The following ENAH variants were observed in gnomAD, a reference collection of about 807,000 sequenced individuals.
The protein encoded by ENAH is ENAH actin regulator, also known as protein enabled homolog.
In ENAH, 23 loss-of-function variants were observed where a neutral mutation model predicts 78.7. The ratio of observed to expected loss-of-function variants is 0.29; its 90% confidence interval spans 0.21 to 0.41. The LOEUF (loss-of-function observed/expected upper bound fraction) is 0.41. Among genes scored for constraint, ENAH ranks in the 10% least tolerant of loss-of-function variants. The pLI, the probability that ENAH is intolerant of heterozygous loss-of-function variation, is 1.00. For missense variants in ENAH, 544 were observed against 691.0 expected, an observed-to-expected ratio of 0.79 and a Z score of 2.39; for synonymous variants, 226 against 241.0, an observed-to-expected ratio of 0.94 and a Z score of 0.58.
At chr1:225,552,105 T>C (rs892996937) in intron 3 of ENAH, among the ~76,000 whole-genome samples, 1 of 151,356 alleles carries the variant, frequency 6.6e-6, no homozygotes, top group African/African-American at 2.4e-5. Flanking sequence ...CGTAAGAAAT[T>C]ATATCTATTC....
Position 225,519,566 on chromosome 1 carries a change from C to CT in ENAH, c.435-2dup. ...TTGCCGTTGCTGTTCTTGTAGTTGT[C>CT]TGGAAAAAAAAAAAAAAAAGTAAAA... On this transcript the variant is annotated splice_acceptor_variant, in intron 4 of 13. Coordinates refer to ENST00000366843, the MANE Select transcript of ENAH (RefSeq NM_018212.6). LOFTEE classifies it high-confidence loss of function. 1 of 1,552,576 alleles carries CT rather than the reference C, an allele frequency of 6.4e-7. No homozygotes were observed. Among genetic ancestry groups the CT allele is most frequent in the Non-Finnish European group, 8.6e-7 (1 of 1,158,202 alleles).
intron 1 of ENAH, among the ~76,000 whole-genome samples, chr1:225,587,781 G>A (rs1346584934): frequency 6.6e-6 from 1 of 152,146 alleles, no homozygotes; most frequent in African/African-American, 2.4e-5. Flanking sequence ...AGAGGGTATG[G>A]TAGTGGCCTC....
chr1:225,629,180 G>C (rs759483153), intron 1 of ENAH, among the ~76,000 whole-genome samples: 22 of 151,970 alleles, frequency 1.4e-4, no homozygotes, highest in Non-Finnish European at 2.2e-4. Context: ...TGGGAAGCTG[G>C]GTCAGGAGAA....
At chr1:225,605,521 G>A (rs1261155492) in intron 1 of ENAH, among the ~76,000 whole-genome samples, 2 of 152,280 alleles carry the variant, frequency 1.3e-5, no homozygotes, top group Non-Finnish European at 2.9e-5. Context: ...TACAATGTCC[G>A]AGTTATTTCC....
intron 1 of ENAH, among the ~76,000 whole-genome samples, chr1:225,596,912 T>A (rs527282117): frequency 6.6e-6 from 1 of 152,184 alleles, no homozygotes; most frequent in Non-Finnish European, 1.5e-5. Context: ...AATTAAAACA[T>A]CTGACCAGTG....
intron 2 of ENAH, among the ~76,000 whole-genome samples, chr1:225,558,186 T>C (rs908977275): frequency 1.3e-5 from 2 of 152,210 alleles, no homozygotes; most frequent in African/African-American, 2.4e-5. Flanking sequence ...ATTGTATTCA[T>C]ACCAGGTTTT....
intron 6 of ENAH, among the ~76,000 whole-genome samples, chr1:225,516,564 CAA>C (rs1206561108): frequency 6.6e-6 from 1 of 152,228 alleles, no homozygotes; most frequent in South Asian, 2.1e-4. Flanking sequence ...ACGTGTCAAG[CAA>C]AGTTTTCCCA....
intron 11 of ENAH, among the ~76,000 whole-genome samples, chr1:225,502,112 CAA>C (rs1206489249): frequency 1.3e-5 from 2 of 152,186 alleles, no homozygotes; most frequent in Non-Finnish European, 2.9e-5. Flanking sequence ...ATAAATTTTT[CAA>C]AGTTATAATT....
chr1:225,589,722 A>G (rs983278724), intron 1 of ENAH, among the ~76,000 whole-genome samples: 1 of 152,208 alleles, frequency 6.6e-6, no homozygotes, highest in Admixed American at 6.5e-5. Context: ...AGAAGGATGG[A>G]GAGACAGATG....
chr1:225,513,634 C>T (rs913492573), intron 7 of ENAH, among the ~76,000 whole-genome samples: 1 of 152,086 alleles, frequency 6.6e-6, no homozygotes, highest in Non-Finnish European at 1.5e-5. Context: ...ATAAAATTCA[C>T]ACTGAGGTAC....
rs79204564 is a variant in ENAH, at chr1:225,588,106, T to C, written c.6-20692A>G. 4.8e-3 allele frequency among the ~76,000 whole-genome samples: 735 copies of C among 152,078 alleles called. 9 individuals are homozygous for C. The highest frequency in any genetic ancestry group is 0.014 in the African/African-American group (567 of 41,504). On this transcript the variant is annotated intron_variant, in intron 1 of 13. Transcript: ENST00000366843. Reference sequence around the variant, plus strand: ...TACAGGGAAAAAAGGCAAATTAAAATTTTCTCCCATAAAAAGACACTTTTA... The same window carrying C: ...TACAGGGAAAAAAGGCAAATTAAAACTTTCTCCCATAAAAAGACACTTTTA...
chr1:225,501,005 T>C lies in ENAH; in HGVS notation c.1604A>G (p.Asp535Gly). Residue 535 changes from aspartate to glycine, a missense_variant, in exon 12 of 14, where the codon GAC (aspartate) becomes GGC (glycine). Around this residue, in one of 4 missense-constraint regions of ENAH, gnomAD observed 97 missense variants for 124.4 expected, o/e 0.78. Transcript: ENST00000366843. ...NGVQTEGLDY[D>G]RLKQDILDEM... ...CTGAGCACCCACCTGCTTCAGCCTG[T>C]CATAGTCAAGTCCTTCCGTCTGGAC... 1.2e-6 allele frequency: 2 copies of C among 1,614,126 alleles called. No individual in the cohort carries two copies. The highest frequency in any genetic ancestry group is 1.7e-6 in the Non-Finnish European group (2 of 1,179,990).
intron 1 of ENAH, among the ~76,000 whole-genome samples, chr1:225,636,519 C>G (rs1660087584): frequency 6.6e-6 from 1 of 152,054 alleles, no homozygotes; most frequent in Non-Finnish European, 1.5e-5. Flanking sequence ...AGTACTGTCC[C>G]AATACCTTTA....
intron 1 of ENAH, among the ~76,000 whole-genome samples, chr1:225,633,275 C>T (rs1659454663): frequency 6.6e-6 from 1 of 150,868 alleles, no homozygotes; most frequent in African/African-American, 2.4e-5. Flanking sequence ...TGGTCTTGAT[C>T]TCCTGACCTC....
At chr1:225,568,020 G>T (rs188628509) in intron 1 of ENAH, among the ~76,000 whole-genome samples, 1 of 152,132 alleles carries the variant, frequency 6.6e-6, no homozygotes, top group Admixed American at 6.5e-5. Context: ...TTCCTCATTC[G>T]CCTTGGGCAA....
chr1:225,537,623 A>G (rs1050491745), intron 3 of ENAH, among the ~76,000 whole-genome samples: 1 of 152,182 alleles, frequency 6.6e-6, no homozygotes, highest in Non-Finnish European at 1.5e-5. Context: ...ATTCAGTAAT[A>G]CGATGTTTTC....
intron 1 of ENAH, among the ~76,000 whole-genome samples, chr1:225,641,533 A>G (rs955788202): frequency 6.6e-6 from 1 of 151,776 alleles, no homozygotes; most frequent in Non-Finnish European, 1.5e-5. Context: ...ACACTTCACT[A>G]AAGATAAAAT....
intron 2 of ENAH, among the ~76,000 whole-genome samples, chr1:225,565,358 C>A (rs1260166698): frequency 1.3e-5 from 2 of 152,068 alleles, no homozygotes; most frequent in Non-Finnish European, 2.9e-5. Flanking sequence ...TCGCTTGAAC[C>A]CGGGAAGGAG....
chr1:225,539,485 T>C (rs1005616337), intron 3 of ENAH, among the ~76,000 whole-genome samples: 2 of 152,184 alleles, frequency 1.3e-5, no homozygotes, highest in African/African-American at 4.8e-5. Flanking sequence ...ACCACCAACC[T>C]AGACAATTAC....
Sources: gnomAD v4.1 joint callset for allele counts (sites outside exome capture counted in the v4.1 genomes callset) on GRCh38, gnomAD v4.1.1 for gene constraint, gnomAD v4.1.1 regional missense constraint, MANE v1.5 for transcripts, NCBI Gene and HGNC (gene_info 2026-07-23, HGNC 2026-07-21) for gene names.